Variants in SIGLEC15 observed in about 807,000 individuals in gnomAD.
SIGLEC15 encodes the protein sialic acid-binding Ig-like lectin 15.
In SIGLEC15, 31 loss-of-function variants were observed where a neutral mutation model predicts 26.2. The observed-to-expected ratio is 1.18, with a 90% CI of 0.89 to 1.60. The LOEUF (loss-of-function observed/expected upper bound fraction) is 1.60, where lower values mean the gene tolerates loss of function less well. Among genes scored for constraint, SIGLEC15 ranks in the 40% most tolerant of loss-of-function variants. The pLI is 0.00. For missense variants in SIGLEC15, 501 were observed against 488.4 expected, an observed-to-expected ratio of 1.03 and a Z score of -0.24; for synonymous variants, 207 against 221.9, an observed-to-expected ratio of 0.93 and a Z score of 0.60.
intron 3 of SIGLEC15, 163 bp from the exon 4 acceptor site, chr18:45,838,555 T>C (rs113689113): frequency 3.5e-5 from 31 of 881,334 alleles, no homozygotes; most frequent in Non-Finnish European, 4.9e-5. Context: ...GCAGAGATGA[T>C]AGAATCTTTC....
chr18:45,826,989 A>G (rs1230870009), intron 1 of SIGLEC15, among the ~76,000 whole-genome samples: 1 of 152,174 alleles, frequency 6.6e-6, no homozygotes, highest in Non-Finnish European at 1.5e-5. Context: ...ATCTCAGCTC[A>G]CTGTAAACTC....
In SIGLEC15 at chr18:45,839,137, CG is replaced by C. The variant is rs1477126755; in HGVS notation, c.874+46del. 3.0e-6 allele frequency: 4 copies of C among 1,354,860 alleles called. No individual in the cohort carries two copies. The East Asian group carries it at 1.2e-4, about 42-fold the overall frequency. The allele number at this position is 1,354,860 out of a possible 1,614,324, so 83.9% of individuals were successfully genotyped here. ...CACGGGTGGCCGCGAGGGGCCGGGC[CG>C]GGGCTCTCTGCTCTTAGATAAGACC... On this transcript the variant is annotated intron_variant, in intron 4 of 5. Transcript: ENST00000389474.
At chr18:45,841,013 G>A (rs2048320830) in intron 5 of SIGLEC15, 1 of 152,244 alleles carries the variant, frequency 6.6e-6, no homozygotes, top group African/African-American at 2.4e-5. Context: ...ACCAGGCACT[G>A]GTACTAAAGA....
intron 1 of SIGLEC15, among the ~76,000 whole-genome samples, chr18:45,834,215 C>T (rs2048258335): frequency 6.6e-6 from 1 of 152,212 alleles, no homozygotes; most frequent in South Asian, 2.1e-4. Context: ...CTAACCACCC[C>T]TACCCTCTCC....
At chr18:45,840,356 T>A in intron 5 of SIGLEC15, 115 bp downstream of exon 5, 2 of 1,217,330 alleles carry the variant, frequency 1.6e-6, no homozygotes, top group Admixed American at 4.6e-5. Flanking sequence ...GGGGTCCTAC[T>A]TTGACCAGGG....
chr18:45,825,690 G>A lies in SIGLEC15; in HGVS notation c.-39G>A, dbSNP rs369769268. 1.3e-5 allele frequency: 21 copies of A among 1,607,918 alleles called. No homozygotes were observed. In the African/African-American group the frequency reaches 1.7e-4, roughly 13 times the overall value. Reference sequence around the variant, plus strand: ...GAGGGCCCTCACTGGGGAGGTGGCCGAGAGCGGGTCTGGCCTGGGGTGTTC... The same window carrying A: ...GAGGGCCCTCACTGGGGAGGTGGCCAAGAGCGGGTCTGGCCTGGGGTGTTC... On this transcript the variant is annotated 5_prime_UTR_variant, in exon 1 of 6. Transcript: ENST00000389474.
intron 1 of SIGLEC15, among the ~76,000 whole-genome samples, chr18:45,830,752 AT>A (rs34498635): frequency 0.01 from 1,212 of 118,114 alleles, 11 homozygotes; most frequent in African/African-American, 0.023. Flanking sequence ...TGCCAGGCTA[AT>A]TTTTTTTTTT....
chr18:45,842,430 T>C lies in SIGLEC15; in HGVS notation c.*243T>C. 1.9e-6 allele frequency: 1 copy of C among 520,858 alleles called. No individual in the cohort carries two copies. Among genetic ancestry groups the C allele is most frequent in the South Asian group, 2.4e-5 (1 of 41,406 alleles). 32.3% of individuals were successfully genotyped at this position (520,858 alleles called of 1,614,324 possible). A position where few individuals can be genotyped will look rare whatever the true frequency, so the allele number is the denominator to read the frequency against. ...TCGTAAATGTGCATACGTCTGTGTG[T>C]GTGTGTGTGTGTGAGAGAGAGAGAG... On this transcript the variant is annotated 3_prime_UTR_variant, in exon 6 of 6. Coordinates refer to ENST00000389474, the MANE Select transcript of SIGLEC15 (RefSeq NM_213602.3).
intron 5 of SIGLEC15, among the ~76,000 whole-genome samples, chr18:45,841,294 G>C (rs76853277): frequency 0.016 from 2,386 of 152,218 alleles, 55 homozygotes; most frequent in African/African-American, 0.048. Flanking sequence ...AGCCCCACTA[G>C]AGTGTGGACG....
chr18:45,831,397 C>T (rs906364821), intron 1 of SIGLEC15, among the ~76,000 whole-genome samples: 10 of 152,342 alleles, frequency 6.6e-5, no homozygotes, highest in Middle Eastern at 3.4e-3. Context: ...AGTCTACAAA[C>T]AGAAACCACA....
At position 45,825,745 on chromosome 18, in the gene SIGLEC15, G is replaced by A. The variant is rs1442368667; in HGVS notation, c.17G>A (p.Trp6Ter). The part of the protein sequence containing the change: MEKSI[W>*]LLACLAWVLP... The stretch of plus-strand genomic sequence containing the variant: ...GCTCACAGCATGGAAAAGTCCATCT[G>A]GCTGCTGGCCTGCTTGGCGTGGGTT... Residue 6 changes from tryptophan (W) to a stop codon, truncating the protein, a stop_gained, in exon 1 of 6, where the codon TGG becomes TAG. Coordinates refer to ENST00000389474, the MANE Select transcript of SIGLEC15 (RefSeq NM_213602.3). LOFTEE classifies it high-confidence loss of function. 2 of 1,614,248 alleles carry A rather than the reference G, an allele frequency of 1.2e-6. No individual in the cohort carries two copies. The highest frequency in any genetic ancestry group is 1.7e-6 in the Non-Finnish European group (2 of 1,180,034).
At chr18:45,839,557 G>A (rs773786505) in intron 4 of SIGLEC15, among the ~76,000 whole-genome samples, 55 of 152,180 alleles carry the variant, frequency 3.6e-4, no homozygotes, top group Non-Finnish European at 6.9e-4. Context: ...TCATTGCAAT[G>A]TGCTATGAGA....
intron 4 of SIGLEC15, 70 bp downstream of exon 4, chr18:45,839,165 C>T: frequency 7.5e-7 from 1 of 1,336,620 alleles, no homozygotes; most frequent in South Asian, 2.0e-5. Flanking sequence ...GATAAGACCA[C>T]CTGGCTGACC....
chr18:45,834,787 T>C (rs1382048421), intron 1 of SIGLEC15, among the ~76,000 whole-genome samples: 21 of 152,172 alleles, frequency 1.4e-4, no homozygotes, highest in Admixed American at 1.3e-3. Context: ...GCAAATAATA[T>C]GTGGGGAATC....
intron 4 of SIGLEC15, among the ~76,000 whole-genome samples, chr18:45,839,891 C>G (rs2048310504): frequency 6.6e-6 from 1 of 152,182 alleles, no homozygotes; most frequent in African/African-American, 2.4e-5. Flanking sequence ...CTAGTGAGAT[C>G]AGACTTTGTC....
At chr18:45,837,235 G>A in intron 2 of SIGLEC15, 147 bp downstream of exon 2, 8 of 1,376,952 alleles carry the variant, frequency 5.8e-6, no homozygotes, top group Non-Finnish European at 7.7e-6. Flanking sequence ...GGTGAATTAG[G>A]AAACGAAGAG....
chr18:45,830,852 C>G (rs2048230071), intron 1 of SIGLEC15, among the ~76,000 whole-genome samples: 2 of 151,674 alleles, frequency 1.3e-5, no homozygotes, highest in Admixed American at 1.3e-4. Context: ...CCCGCCTCAG[C>G]CTCCCAAAAT....
In SIGLEC15 at chr18:45,842,463, A is replaced by C; in HGVS notation, c.*276A>C. The C allele has an allele frequency of 7.8e-6, 3 of 384,224 alleles. No homozygotes were observed. Among genetic ancestry groups the C allele is most frequent in the East Asian group, 5.2e-5 (1 of 19,364 alleles). 23.8% of individuals were successfully genotyped at this position (384,224 alleles called of 1,614,324 possible). Reference sequence around the variant, plus strand: ...TGTGTGAGAGAGAGAGAGAGAGAGTACACGCATTAGCTTGAGCGTGAAACT... The same window carrying C: ...TGTGTGAGAGAGAGAGAGAGAGAGTCCACGCATTAGCTTGAGCGTGAAACT... On this transcript the variant is annotated 3_prime_UTR_variant, in exon 6 of 6. Coordinates refer to ENST00000389474, the MANE Select transcript of SIGLEC15 (RefSeq NM_213602.3).
Position 45,843,498 on chromosome 18 carries a change from A to G in SIGLEC15, c.*1311A>G, listed in dbSNP as rs1455817408. 1 of 152,248 alleles carries G rather than the reference A, an allele frequency of 6.6e-6. No individual in the cohort carries two copies. The highest frequency in any genetic ancestry group is 2.4e-5 in the African/African-American group (1 of 41,446). 9.4% of individuals were successfully genotyped at this position (152,248 alleles called of 1,614,324 possible). ...ACAGGCAATGACAAATGCTGATGAGAAAGTGGAGAAAGAGGAATCCCCATA... is the reference window on the plus strand; with the variant it reads ...ACAGGCAATGACAAATGCTGATGAGGAAGTGGAGAAAGAGGAATCCCCATA... On this transcript the variant is annotated 3_prime_UTR_variant, in exon 6 of 6. Coordinates refer to ENST00000389474, the MANE Select transcript of SIGLEC15 (RefSeq NM_213602.3).
Sources: allele counts gnomAD v4.1 joint callset (sites outside exome capture counted in the v4.1 genomes callset), GRCh38; gene constraint gnomAD v4.1.1; transcripts MANE v1.5; gene names NCBI Gene and HGNC (gene_info 2026-07-23, HGNC 2026-07-21).